Variants in AADAT observed in about 807,000 individuals in gnomAD.
AADAT encodes the protein aminoadipate aminotransferase, also known as kynurenine/alpha-aminoadipate aminotransferase, mitochondrial.
In AADAT, 25 loss-of-function variants were observed where a neutral mutation model predicts 56.2. That is an observed-to-expected ratio of 0.44 (90% CI 0.32 to 0.62). The LOEUF is 0.62. AADAT is among the 20% of genes least tolerant of loss of function. The pLI, the probability that AADAT is intolerant of heterozygous loss-of-function variation, is 0.04. For missense variants in AADAT, 387 were observed against 510.5 expected (o/e 0.76, Z 2.33); for synonymous variants, 173 against 164.7 (o/e 1.05, Z -0.39).
At chr4:170,070,935 C>T (rs1360038191) in intron 5 of AADAT, among the ~76,000 whole-genome samples, 1 of 152,132 alleles carries the variant, frequency 6.6e-6, no homozygotes, top group Non-Finnish European at 1.5e-5. Flanking sequence ...TTTTTTGAGA[C>T]AGAGTCTCGC....
At chr4:170,063,218 G>A (rs551854908) in intron 11 of AADAT, among the ~76,000 whole-genome samples, 53 of 152,174 alleles carry the variant, frequency 3.5e-4, no homozygotes, top group Admixed American at 2.2e-3. Flanking sequence ...TAGAAGCAAG[G>A]AGCTGAAAGA....
intron 11 of AADAT, among the ~76,000 whole-genome samples, chr4:170,062,219 A>C (rs758737405): frequency 1.3e-5 from 2 of 152,246 alleles, no homozygotes; most frequent in Non-Finnish European, 2.9e-5. Flanking sequence ...GGCAAATGCT[A>C]TCTCTTCTCA....
intron 11 of AADAT, 50 bp from the exon 12 acceptor site, chr4:170,062,043 A>G (rs1330857954): frequency 2.3e-6 from 3 of 1,295,506 alleles, no homozygotes; most frequent in Non-Finnish European, 3.3e-6. Flanking sequence ...GAAAAACTCA[A>G]AGATAATATA....
At position 170,086,037 on chromosome 4, in the gene AADAT, ACT is replaced by A. The variant is rs879456600; in HGVS notation, c.369+1077_369+1078del. On this transcript the variant is annotated intron_variant, in intron 3 of 12. Coordinates refer to ENST00000337664, the MANE Select transcript of AADAT (RefSeq NM_016228.4). ...CACTTTGGGAGGCCAAGGTGGACAG[ACT>A]GCTTGAGCCCATGAGCTCAAGACCA... Among the ~76,000 whole-genome samples, 291 of 152,262 alleles carry A rather than the reference ACT, an allele frequency of 1.9e-3. 1 individual carries two copies. The highest frequency in any genetic ancestry group is 3.2e-3 in the Non-Finnish European group (216 of 67,994).
At chr4:170,073,453 A>G (rs1026743823) in intron 4 of AADAT, 108 bp from the exon 5 acceptor site, 49 of 982,588 alleles carry the variant, frequency 5.0e-5, no homozygotes, top group Non-Finnish European at 6.9e-5. Context: ...TACCCTTAAA[A>G]ATATATAAAC....
intron 5 of AADAT, among the ~76,000 whole-genome samples, chr4:170,071,576 GA>G (rs1366426350): frequency 6.6e-6 from 1 of 152,168 alleles, no homozygotes; most frequent in African/African-American, 2.4e-5. Flanking sequence ...ACTGCAAGGA[GA>G]AACCACCGGA....
At chr4:170,070,880 T>A (rs570874155) in intron 5 of AADAT, among the ~76,000 whole-genome samples, 1 of 152,260 alleles carries the variant, frequency 6.6e-6, no homozygotes, top group South Asian at 2.1e-4. Flanking sequence ...AGCCTGTGGA[T>A]CATGAGCAGA....
chr4:170,084,822 G>C (rs1226923682), intron 3 of AADAT, among the ~76,000 whole-genome samples: 1 of 152,198 alleles, frequency 6.6e-6, no homozygotes, highest in African/African-American at 2.4e-5. Flanking sequence ...TAGGACCAAA[G>C]GAATCACTTG....
intron 12 of AADAT, 47 bp downstream of exon 12, chr4:170,061,845 A>C: frequency 7.0e-7 from 1 of 1,426,602 alleles, no homozygotes; most frequent in Non-Finnish European, 9.7e-7. Flanking sequence ...GCATTAAAAA[A>C]ACAGAACTGC....
At chr4:170,088,156 T>C (rs1157984098) in intron 2 of AADAT, among the ~76,000 whole-genome samples, 1 of 151,874 alleles carries the variant, frequency 6.6e-6, no homozygotes, top group Non-Finnish European at 1.5e-5. Flanking sequence ...ACATTCAATA[T>C]CCTTTCTGTT....
intron 9 of AADAT, among the ~76,000 whole-genome samples, chr4:170,066,960 TC>T: frequency 6.6e-6 from 1 of 152,240 alleles, no homozygotes; most frequent in Non-Finnish European, 1.5e-5. Context: ...TTCACCTTCA[TC>T]TTTACTTGAG....
chr4:170,072,294 T>C (rs1420432432), intron 5 of AADAT, among the ~76,000 whole-genome samples: 1 of 144,588 alleles, frequency 6.9e-6, no homozygotes. Context: ...TATATATGTG[T>C]GTGTGTATAT....
At chr4:170,090,170 G>C (rs1279090443), upstream of AADAT, 2 of 152,390 alleles carry the variant, frequency 1.3e-5, no homozygotes, top group East Asian at 3.9e-4. Context: ...ACCGCAACCC[G>C]GCGTCCGCGT....
chr4:170,064,234 T>C (rs1731335164), intron 11 of AADAT, among the ~76,000 whole-genome samples: 1 of 152,186 alleles, frequency 6.6e-6, no homozygotes, highest in African/African-American at 2.4e-5. Context: ...AACAAACCCT[T>C]CATTTTAAAT....
In AADAT at chr4:170,088,712, G is replaced by C. The variant is rs1025368768; in HGVS notation, c.68-148C>G. The C allele has an allele frequency of 1.1e-5, 9 of 806,042 alleles. No individual in the cohort carries two copies. In the African/African-American group the frequency reaches 1.6e-4, roughly 14 times the overall value. The allele number at this position is 806,042 out of a possible 1,614,324, so 49.9% of individuals were successfully genotyped here. A position where few individuals can be genotyped will look rare whatever the true frequency, so the allele number is the denominator to read the frequency against. Reference sequence around the variant, plus strand: ...TGGTCTAAATGTTGGTGCTCCCCCAGATTCATACTTGGAAGTTAATACTAA... The same window carrying C: ...TGGTCTAAATGTTGGTGCTCCCCCACATTCATACTTGGAAGTTAATACTAA... On this transcript the variant is annotated intron_variant, in intron 1 of 12. Coordinates refer to ENST00000337664, the MANE Select transcript of AADAT (RefSeq NM_016228.4).
chr4:170,089,762 A>C lies in AADAT; in HGVS notation c.-72T>G. 3 of 1,507,430 alleles carry C rather than the reference A, an allele frequency of 2.0e-6. No homozygotes were observed. Among genetic ancestry groups the C allele is most frequent in the Non-Finnish European group, 2.8e-6 (3 of 1,090,108 alleles). 93.4% of individuals were successfully genotyped at this position (1,507,430 alleles called of 1,614,324 possible). On this transcript the variant is annotated 5_prime_UTR_variant, in exon 1 of 13. Transcript: ENST00000337664. ...CTAGAAAAACCAAAGAGCCTCGTCA[A>C]GTCCTGCCTGCTAACTCCTCACTCT...
chr4:170,074,966 A>G (rs1367590851), intron 4 of AADAT, among the ~76,000 whole-genome samples: 1 of 152,244 alleles, frequency 6.6e-6, no homozygotes, highest in Non-Finnish European at 1.5e-5. Flanking sequence ...CAAATGTAGA[A>G]TTACGCATAA....
At chr4:170,064,306 A>G (rs989703420) in intron 11 of AADAT, among the ~76,000 whole-genome samples, 1 of 152,230 alleles carries the variant, frequency 6.6e-6, no homozygotes. Flanking sequence ...AGGGCTTTAC[A>G]TATATTAACT....
chr4:170,064,987 A>C (rs930166127), intron 10 of AADAT, among the ~76,000 whole-genome samples, 162 bp from the exon 11 acceptor site: 1 of 152,218 alleles, frequency 6.6e-6, no homozygotes, highest in African/African-American at 2.4e-5. Context: ...GTGAGCCTTC[A>C]AAATTGATGT....
Sources: gnomAD v4.1 joint callset for allele counts (sites outside exome capture counted in the v4.1 genomes callset) on GRCh38, gnomAD v4.1.1 for gene constraint, MANE v1.5 for transcripts, NCBI Gene and HGNC (gene_info 2026-07-23, HGNC 2026-07-21) for gene names.